Variants in KCTD1 observed in about 807,000 individuals in gnomAD.
KCTD1 encodes the protein BTB/POZ domain-containing protein KCTD1.
A neutral mutation model predicts 66.0 loss-of-function variants in KCTD1; 24 were observed. That is an observed-to-expected ratio of 0.36 (90% CI 0.26 to 0.51). KCTD1 has a LOEUF of 0.51. Among genes scored for constraint, KCTD1 ranks in the 20% least tolerant of loss-of-function variants. The probability of loss-of-function intolerance (pLI) is 0.95; values close to 1 mark genes in which losing one functional copy is unlikely to be tolerated. For synonymous variants in KCTD1, 511 were observed against 517.2 expected, an observed-to-expected ratio of 0.99 and a Z score of 0.16; for missense variants, 943 against 1,205.2, an observed-to-expected ratio of 0.78 and a Z score of 3.22.
intron 1 of KCTD1, among the ~76,000 whole-genome samples, chr18:26,596,783 C>T (rs763893603): frequency 2.0e-5 from 3 of 152,254 alleles, no homozygotes; most frequent in Admixed American, 2.0e-4. Context: ...GCCATTGCTA[C>T]TGTTGTTAAG....
At chr18:26,484,185 T>C (rs1981795821) in intron 2 of KCTD1, among the ~76,000 whole-genome samples, 1 of 152,188 alleles carries the variant, frequency 6.6e-6, no homozygotes, top group South Asian at 2.1e-4. Context: ...ACTCAAGAAA[T>C]TTCATCTATA....
chr18:26,641,738 A>G (rs1159711552), upstream of KCTD1, among the ~76,000 whole-genome samples: 3 of 152,136 alleles, frequency 2.0e-5, no homozygotes, highest in African/African-American at 7.2e-5. Context: ...TTTAGGCACA[A>G]AATCAGTGCC....
intron 1 of KCTD1, among the ~76,000 whole-genome samples, chr18:26,540,661 G>C (rs927048257): frequency 6.6e-6 from 1 of 151,938 alleles, no homozygotes; most frequent in Non-Finnish European, 1.5e-5. Flanking sequence ...TCAATGAATA[G>C]TAAATATATT....
chr18:26,617,926 AG>A (rs1987292994), intron 1 of KCTD1, among the ~76,000 whole-genome samples: 1 of 150,378 alleles, frequency 6.6e-6, no homozygotes, highest in African/African-American at 2.4e-5. Context: ...AACAAAAAGA[AG>A]GAAAAAAAAA....
chr18:26,566,339 C>A (rs1045153210), intron 1 of KCTD1: 1 of 152,302 alleles, frequency 6.6e-6, no homozygotes, highest in Non-Finnish European at 1.5e-5. Context: ...ACAGTTTCTG[C>A]CCAGGCTTCT....
At chr18:26,512,426 A>G (rs1983383484) in intron 1 of KCTD1, among the ~76,000 whole-genome samples, 1 of 151,240 alleles carries the variant, frequency 6.6e-6, no homozygotes, top group Non-Finnish European at 1.5e-5. Context: ...TTAAGTGCCC[A>G]TTTGCTTGAC....
intron 1 of KCTD1, among the ~76,000 whole-genome samples, chr18:26,610,392 G>T (rs767573948): frequency 1.6e-4 from 25 of 152,114 alleles, no homozygotes; most frequent in Non-Finnish European, 3.4e-4. Context: ...GGGTAACCGT[G>T]TGAGACCCCA....
intron 1 of KCTD1, among the ~76,000 whole-genome samples, chr18:26,585,659 A>G (rs1479304856): frequency 6.6e-6 from 1 of 152,246 alleles, no homozygotes. Context: ...AATTAATTAT[A>G]TATTTTGCAA....
At chr18:26,556,398 G>T (rs1985707902) in intron 1 of KCTD1, among the ~76,000 whole-genome samples, 2 of 152,186 alleles carry the variant, frequency 1.3e-5, no homozygotes, top group Non-Finnish European at 2.9e-5. Context: ...TACCCCAGGG[G>T]TCACATGGTG....
chr18:26,653,132 G>A (rs1177442633), intron 1 of KCTD1, among the ~76,000 whole-genome samples: 2 of 152,166 alleles, frequency 1.3e-5, no homozygotes, highest in Admixed American at 6.5e-5. Context: ...AGTGCCAGCA[G>A]AGTTATTCTT....
At chr18:26,487,092 G>GAC (rs149247913) in intron 2 of KCTD1, among the ~76,000 whole-genome samples, 6 of 151,824 alleles carry the variant, frequency 4.0e-5, no homozygotes, top group African/African-American at 9.7e-5. Flanking sequence ...TCCATACTCA[G>GAC]ACACACACAC....
rs1982664091 is a variant in KCTD1 at position 26,499,846 on chromosome 18, CATGA to C, written c.1988+1222_1988+1225del. ...TGCCCTGTTTCCCGACATTACCCTA[CATGA>C]ATGCATGCCTCCTCCCCTATCCACC... On this transcript the variant is annotated intron_variant, in intron 2 of 4. Coordinates refer to ENST00000580059, the MANE Select transcript of KCTD1 (RefSeq NM_001142730.3). Among the ~76,000 whole-genome samples the C allele has an allele frequency of 2.6e-5, 4 of 152,352 alleles. No individual in the cohort carries two copies. The South Asian group carries it at 8.3e-4, about 32-fold the overall frequency.
chr18:26,499,522 T>C (rs1304348233), intron 2 of KCTD1, among the ~76,000 whole-genome samples: 1 of 152,238 alleles, frequency 6.6e-6, no homozygotes, highest in Admixed American at 6.5e-5. Flanking sequence ...ATTTAAATCA[T>C]TTCAATTGTA....
At chr18:26,576,590 C>T (rs1003620323) in intron 1 of KCTD1, among the ~76,000 whole-genome samples, 3 of 152,126 alleles carry the variant, frequency 2.0e-5, no homozygotes, top group Non-Finnish European at 2.9e-5. Flanking sequence ...AAAAAATGAA[C>T]CTGTTTTCAT....
intron 1 of KCTD1, among the ~76,000 whole-genome samples, chr18:26,605,762 A>ATCTG (rs1459365278): frequency 1.5e-5 from 2 of 134,372 alleles, no homozygotes; most frequent in Non-Finnish European, 3.1e-5. Flanking sequence ...CTATCTATCT[A>ATCTG]TCTATCTATA....
chr18:26,616,700 A>C lies in KCTD1; in HGVS notation c.-16+12447T>G, dbSNP rs28579686. Among the ~76,000 whole-genome samples the C allele has an allele frequency of 4.2e-3, 634 of 150,594 alleles. 6 individuals are homozygous for C. Among genetic ancestry groups the C allele is most frequent in the African/African-American group, 0.013 (520 of 41,068 alleles). ...ATGCCTGGCTAATTAAAAAAAAAAAAATTTGTAGAGACCAGGTCTGGTTAC... is the reference window on the plus strand; with the variant it reads ...ATGCCTGGCTAATTAAAAAAAAAAACATTTGTAGAGACCAGGTCTGGTTAC... On this transcript the variant is annotated intron_variant, in intron 1 of 4. Transcript: ENST00000317932.
intron 2 of KCTD1, among the ~76,000 whole-genome samples, chr18:26,483,328 G>A (rs1303532946): frequency 1.3e-5 from 2 of 152,144 alleles, no homozygotes; most frequent in African/African-American, 4.8e-5. Context: ...GAGTGCAGTG[G>A]CATGATCTCG....
chr18:26,472,038 T>C (rs1175986892), intron 3 of KCTD1, among the ~76,000 whole-genome samples: 1 of 151,830 alleles, frequency 6.6e-6, no homozygotes, highest in Non-Finnish European at 1.5e-5. Context: ...GACTGCAGGT[T>C]CCTGCCTTGA....
intron 3 of KCTD1, among the ~76,000 whole-genome samples, chr18:26,464,213 C>G (rs1200136374): frequency 6.6e-6 from 1 of 152,236 alleles, no homozygotes; most frequent in African/African-American, 2.4e-5. Flanking sequence ...ATGGTGCCGG[C>G]AGGGATGCCT....
Sources: gnomAD v4.1 joint callset for allele counts (sites outside exome capture counted in the v4.1 genomes callset) on GRCh38, gnomAD v4.1.1 for gene constraint, MANE v1.5 for transcripts, NCBI Gene and HGNC (gene_info 2026-07-23, HGNC 2026-07-21) for gene names.